Variants in THRB observed in about 807,000 individuals in gnomAD.
THRB encodes the protein nuclear receptor subfamily 1 group A member 2.
A neutral mutation model predicts 47.8 loss-of-function variants in THRB; 12 were observed. That is an observed-to-expected ratio of 0.25 (90% confidence interval 0.16 to 0.41). THRB has a LOEUF of 0.41. Among genes scored for constraint, THRB ranks in the 10% least tolerant of loss-of-function variants. The pLI is 1.00. For synonymous variants in THRB, 218 were observed against 212.2 expected (o/e 1.03, Z -0.24); for missense variants, 348 against 589.2 (o/e 0.59, Z 4.24).
intron 1 of THRB, among the ~76,000 whole-genome samples, chr3:24,398,573 A>G (rs1485980554): frequency 2.0e-5 from 3 of 152,158 alleles, no homozygotes; most frequent in Non-Finnish European, 4.4e-5. Context: ...AAAAGTCAGG[A>G]AACAACAGGT....
At chr3:24,224,233 C>T (rs2047433414) in intron 4 of THRB, among the ~76,000 whole-genome samples, 1 of 150,542 alleles carries the variant, frequency 6.6e-6, no homozygotes. Context: ...ATTATATATT[C>T]ATCATGTCAA....
intron 9 of THRB, among the ~76,000 whole-genome samples, chr3:24,132,980 G>T (rs1355665739): frequency 1.3e-5 from 2 of 152,206 alleles, no homozygotes; most frequent in African/African-American, 4.8e-5. Flanking sequence ...GGATTAGATT[G>T]AATGTGGGCA....
intron 1 of THRB, among the ~76,000 whole-genome samples, chr3:24,429,564 T>A (rs2070149932): frequency 6.6e-6 from 1 of 152,096 alleles, no homozygotes; most frequent in Admixed American, 6.6e-5. Flanking sequence ...TTGATTTGGG[T>A]GAAGACGAGA....
At chr3:24,350,953 G>A (rs907746209) in intron 1 of THRB, among the ~76,000 whole-genome samples, 1 of 152,092 alleles carries the variant, frequency 6.6e-6, no homozygotes, top group Non-Finnish European at 1.5e-5. Flanking sequence ...ACATAACATG[G>A]TGCTGTCACC....
At chr3:24,130,246 C>A (rs1008386740) in intron 9 of THRB, among the ~76,000 whole-genome samples, 1 of 152,128 alleles carries the variant, frequency 6.6e-6, no homozygotes, top group African/African-American at 2.4e-5. Context: ...ACAGCTTGGA[C>A]TTTTAGGGAA....
chr3:24,206,195 T>C (rs1020950039), intron 4 of THRB, among the ~76,000 whole-genome samples: 18 of 152,172 alleles, frequency 1.2e-4, no homozygotes, highest in African/African-American at 4.3e-4. Flanking sequence ...CAACAGAATA[T>C]ACATTCTTCT....
At chr3:24,284,653 A>C (rs9756332) in intron 3 of THRB, among the ~76,000 whole-genome samples, 156 of 144,196 alleles carry the variant, frequency 1.1e-3, no homozygotes, top group African/African-American at 3.7e-3. Context: ...CAACCTACAG[A>C]ATGGGAGAAA....
chr3:24,441,372 T>C (rs2071507105), intron 1 of THRB, among the ~76,000 whole-genome samples: 2 of 152,182 alleles, frequency 1.3e-5, no homozygotes, highest in Non-Finnish European at 2.9e-5. Flanking sequence ...ATTCCACCTG[T>C]CACAAGGACT....
intron 3 of THRB, among the ~76,000 whole-genome samples, chr3:24,278,940 G>A (rs2054223539): frequency 6.6e-6 from 1 of 150,798 alleles, no homozygotes; most frequent in Non-Finnish European, 1.5e-5. Context: ...GAACTCCTGG[G>A]ATCAAGTGAT....
At chr3:24,371,741 A>T (rs2064931308) in intron 1 of THRB, among the ~76,000 whole-genome samples, 1 of 152,146 alleles carries the variant, frequency 6.6e-6, no homozygotes, top group Non-Finnish European at 1.5e-5. Context: ...CTGGTGCTCA[A>T]TGTATTGCTA....
intron 7 of THRB, chr3:24,144,999 C>T (rs2035911172): frequency 1.3e-5 from 2 of 150,912 alleles, no homozygotes; most frequent in South Asian, 2.2e-4. Flanking sequence ...ATATTAAATT[C>T]CAGACCATTT....
At chr3:24,317,338 C>T (rs1034742452) in intron 2 of THRB, among the ~76,000 whole-genome samples, 2 of 152,122 alleles carry the variant, frequency 1.3e-5, no homozygotes, top group Non-Finnish European at 2.9e-5. Flanking sequence ...GAGGTGCATG[C>T]TACCTGAGTG....
At chr3:24,259,573 A>C (rs2051710503) in intron 3 of THRB, among the ~76,000 whole-genome samples, 1 of 147,512 alleles carries the variant, frequency 6.8e-6, no homozygotes, top group African/African-American at 2.5e-5. Flanking sequence ...CTTTGGTCCA[A>C]GTTTTTCACA....
At chr3:24,123,629 A>G (rs1389863523) in intron 10 of THRB, among the ~76,000 whole-genome samples, 5 of 152,120 alleles carry the variant, frequency 3.3e-5, no homozygotes, top group African/African-American at 9.7e-5. Context: ...AAGAAACACC[A>G]TGTTTAATTT....
In THRB at chr3:24,117,507, A is replaced by T. The variant is rs1207397141; in HGVS notation, c.*5377T>A. On this transcript the variant is annotated 3_prime_UTR_variant, in exon 11 of 11. Coordinates refer to ENST00000646209, the MANE Select transcript of THRB (RefSeq NM_001354712.2). ...GGCTCAGGAATGGGCACATGACTGA[A>T]CTTGGGCCAGTGAGAATTAGGCCAG... 6.6e-6 allele frequency: 1 copy of T among 152,276 alleles called. No homozygotes were observed. Among genetic ancestry groups the T allele is most frequent in the Non-Finnish European group, 1.5e-5 (1 of 68,056 alleles). 9.4% of individuals were successfully genotyped at this position (152,276 alleles called of 1,614,324 possible). A position where few individuals can be genotyped will look rare whatever the true frequency, so the allele number is the denominator to read the frequency against.
At chr3:24,181,930 G>A (rs575972496) in intron 5 of THRB, among the ~76,000 whole-genome samples, 2 of 152,246 alleles carry the variant, frequency 1.3e-5, no homozygotes, top group East Asian at 1.9e-4. Context: ...GGCCAGGTGC[G>A]GTGGCTCGTG....
chr3:24,146,518 C>A (rs1387493607), intron 7 of THRB, among the ~76,000 whole-genome samples, 157 bp downstream of exon 7: 1 of 152,206 alleles, frequency 6.6e-6, no homozygotes, highest in Non-Finnish European at 1.5e-5. Flanking sequence ...TCAGGGCAAG[C>A]CTGGATGTGG....
intron 5 of THRB, among the ~76,000 whole-genome samples, chr3:24,178,315 A>G (rs1160871001): frequency 6.6e-6 from 1 of 152,132 alleles, no homozygotes; most frequent in Non-Finnish European, 1.5e-5. Context: ...CTCTGTCCAA[A>G]ATGTATAATC....
At chr3:24,495,435 T>A (rs547293274), upstream of THRB, 1,344 of 153,170 alleles carry the variant, frequency 8.8e-3, 13 homozygotes, top group Middle Eastern at 0.014. Flanking sequence ...CCCCGAGTCC[T>A]ACGCACTCGA....
Sources: allele counts gnomAD v4.1 joint callset (sites outside exome capture counted in the v4.1 genomes callset), GRCh38; gene constraint gnomAD v4.1.1; transcripts MANE v1.5; gene names NCBI Gene and HGNC (gene_info 2026-07-23, HGNC 2026-07-21).